The following HIP1 variants were observed in gnomAD, a reference collection of about 807,000 sequenced individuals.
The protein encoded by HIP1 is huntingtin-interacting protein 1.
A neutral mutation model predicts 147.6 loss-of-function variants in HIP1; 65 were observed. The observed-to-expected ratio is 0.44, with a 90% CI of 0.36 to 0.54. The LOEUF is 0.54. Ranked by LOEUF, HIP1 falls within the 20% of genes least tolerant of loss-of-function variation. The probability of loss-of-function intolerance (pLI) is 0.00; values close to 1 mark genes in which losing one functional copy is unlikely to be tolerated. For missense variants in HIP1, 1,061 were observed against 1,299.6 expected (o/e 0.82, Z 2.82); for synonymous variants, 479 against 504.0 (o/e 0.95, Z 0.67).
Position 75,565,977 on chromosome 7 carries a change from G to C in HIP1, c.803+2222C>G, listed in dbSNP as rs587695744. Reference sequence around the variant, plus strand: ...GATCCACTTGCTTCGGCCTCCCAAAGTGCTGGGATTACAGGTGTGAGCCAC... The same window carrying C: ...GATCCACTTGCTTCGGCCTCCCAAACTGCTGGGATTACAGGTGTGAGCCAC... On this transcript the variant is annotated intron_variant, in intron 9 of 30. Transcript: ENST00000336926. Among the ~76,000 whole-genome samples the C allele has an allele frequency of 4.1e-4, 62 of 151,298 alleles. 1 individual carries two copies. Among genetic ancestry groups the C allele is most frequent in the Non-Finnish European group, 8.1e-4 (55 of 68,014 alleles).
At chr7:75,618,051 G>T (rs1797728087) in intron 1 of HIP1, among the ~76,000 whole-genome samples, 1 of 152,264 alleles carries the variant, frequency 6.6e-6, no homozygotes, top group Non-Finnish European at 1.5e-5. Context: ...GTCAGCAAGA[G>T]TGGGAAACCC....
intron 1 of HIP1, among the ~76,000 whole-genome samples, chr7:75,705,923 C>T (rs781790213): frequency 8.6e-5 from 13 of 151,920 alleles, no homozygotes; most frequent in Non-Finnish European, 1.3e-4. Flanking sequence ...ACGGAATCTT[C>T]CTCTGTTGCC....
chr7:75,640,987 T>C (rs1388447381), intron 1 of HIP1, among the ~76,000 whole-genome samples: 2 of 151,618 alleles, frequency 1.3e-5, no homozygotes, highest in Non-Finnish European at 2.9e-5. Context: ...GCCTGCCTCC[T>C]AGGGGTATGT....
intron 1 of HIP1, among the ~76,000 whole-genome samples, chr7:75,641,551 G>A (rs1344491188): frequency 6.6e-6 from 1 of 151,228 alleles, no homozygotes; most frequent in African/African-American, 2.4e-5. Flanking sequence ...GAGTGCAATG[G>A]TGCAATCTCA....
intron 1 of HIP1, among the ~76,000 whole-genome samples, chr7:75,674,694 T>C (rs1026360150): frequency 1.3e-5 from 2 of 152,062 alleles, no homozygotes; most frequent in African/African-American, 4.8e-5. Context: ...GGTTTCACCA[T>C]GTAAGCCAGG....
chr7:75,666,109 T>C (rs1329541475), intron 1 of HIP1, among the ~76,000 whole-genome samples: 2 of 152,136 alleles, frequency 1.3e-5, no homozygotes, highest in Non-Finnish European at 2.9e-5. Flanking sequence ...TGGGATGAAC[T>C]GGTCACCCTC....
chr7:75,675,979 C>T (rs1554515943), intron 1 of HIP1, among the ~76,000 whole-genome samples: 1 of 152,132 alleles, frequency 6.6e-6, no homozygotes, highest in African/African-American at 2.4e-5. Flanking sequence ...GGCTTTTTCC[C>T]CCTAAGGATC....
intron 1 of HIP1, among the ~76,000 whole-genome samples, chr7:75,660,983 C>T (rs1270051411): frequency 2.0e-5 from 3 of 152,046 alleles, no homozygotes; most frequent in African/African-American, 7.2e-5. Flanking sequence ...CAAAAAAAAT[C>T]AAGAGACACC....
intron 1 of HIP1, chr7:75,639,213 CG>C: frequency 2.0e-6 from 2 of 978,042 alleles, no homozygotes; most frequent in Non-Finnish European, 2.4e-6. Flanking sequence ...GCGGCGGCGG[CG>C]GCGGCACCAA....
intron 30 of HIP1, 98 bp from the exon 31 acceptor site, chr7:75,538,322 A>T (rs1246074952): frequency 2.3e-6 from 2 of 887,530 alleles, no homozygotes; most frequent in Non-Finnish European, 3.9e-6. Context: ...AAAATACATT[A>T]TAATTATAAC....
chr7:75,560,541 T>G (rs1795190939), intron 13 of HIP1, among the ~76,000 whole-genome samples: 1 of 152,184 alleles, frequency 6.6e-6, no homozygotes, highest in Non-Finnish European at 1.5e-5. Context: ...CGTGAGCCAC[T>G]GTGCCCGGCA....
intron 17 of HIP1, 105 bp downstream of exon 17, chr7:75,556,605 A>T: frequency 2.7e-6 from 2 of 728,892 alleles, no homozygotes; most frequent in Non-Finnish European, 4.8e-6. Flanking sequence ...GGATCACCTG[A>T]GCCCAGGGAG....
At position 75,675,293 on chromosome 7, in the gene HIP1, C is replaced by T. The variant is rs560320229; in HGVS notation, c.120+63508G>A. Among the ~76,000 whole-genome samples the T allele has an allele frequency of 5.3e-5, 8 of 152,138 alleles. No individual in the cohort carries two copies. The South Asian group carries it at 6.2e-4, about 12-fold the overall frequency. ...TCAGCTCACTGCAACATCCACTTCC[C>T]GGGTTCAAGTGATCCTCCTGCCTCA... On this transcript the variant is annotated intron_variant, in intron 1 of 30. Transcript: ENST00000336926.
intron 5 of HIP1, among the ~76,000 whole-genome samples, chr7:75,585,839 G>C (rs1326885492): frequency 6.6e-6 from 1 of 151,972 alleles, no homozygotes; most frequent in Non-Finnish European, 1.5e-5. Flanking sequence ...CTGTGAAACA[G>C]GGCCTCACTC....
At chr7:75,711,104 T>C (rs1201591333) in intron 1 of HIP1, among the ~76,000 whole-genome samples, 1 of 152,154 alleles carries the variant, frequency 6.6e-6, no homozygotes, top group African/African-American at 2.4e-5. Flanking sequence ...CCCCAAAGTA[T>C]TAATATGTTG....
chr7:75,690,549 A>G (rs962325771), intron 1 of HIP1, among the ~76,000 whole-genome samples: 1 of 152,110 alleles, frequency 6.6e-6, no homozygotes, highest in African/African-American at 2.4e-5. Flanking sequence ...ACAGTGGAGA[A>G]GTTTGGTTAT....
intron 1 of HIP1, among the ~76,000 whole-genome samples, chr7:75,663,238 G>A (rs534624203): frequency 3.2e-4 from 49 of 152,146 alleles, no homozygotes; most frequent in Non-Finnish European, 5.9e-4. Context: ...CCCGGACAGC[G>A]TCTTTGCTCT....
At chr7:75,554,344 G>A (rs1210000074) in intron 20 of HIP1, 96 bp downstream of exon 20, 51 of 1,285,728 alleles carry the variant, frequency 4.0e-5, no homozygotes, top group Non-Finnish European at 5.5e-5. Context: ...TGCCTTTCTT[G>A]ATGCAGAGGG....
chr7:75,672,817 G>GA (rs1379375246), intron 1 of HIP1, among the ~76,000 whole-genome samples: 2 of 152,042 alleles, frequency 1.3e-5, no homozygotes, highest in African/African-American at 4.8e-5. Flanking sequence ...CTTACATTTA[G>GA]GTTTCTGATC....
Sources: allele counts gnomAD v4.1 joint callset (sites outside exome capture counted in the v4.1 genomes callset), GRCh38; gene constraint gnomAD v4.1.1; transcripts MANE v1.5; gene names NCBI Gene and HGNC (gene_info 2026-07-23, HGNC 2026-07-21).